The following TMEM45A variants were observed in gnomAD, a reference collection of about 807,000 sequenced individuals.
TMEM45A encodes DNA polymerase-transactivated protein 4.
In TMEM45A, 25 loss-of-function variants were observed where a neutral mutation model predicts 32.0. The ratio of observed to expected loss-of-function variants is 0.78; its 90% CI spans 0.57 to 1.09. TMEM45A has a LOEUF of 1.09. TMEM45A is among the 50% of genes least tolerant of loss of function. TMEM45A has a pLI of 0.00. For synonymous variants in TMEM45A, 122 were observed against 114.8 expected (o/e 1.06, Z -0.40); for missense variants, 302 against 325.0 (o/e 0.93, Z 0.54).
intron 1 of TMEM45A, among the ~76,000 whole-genome samples, chr3:100,500,851 G>A (rs1707999867): frequency 6.6e-6 from 1 of 152,224 alleles, no homozygotes; most frequent in Non-Finnish European, 1.5e-5. Context: ...TGGGTGGTAT[G>A]CCTGCACCTT....
intron 4 of TMEM45A, among the ~76,000 whole-genome samples, chr3:100,567,606 T>C (rs1305878584): frequency 6.6e-6 from 1 of 151,294 alleles, no homozygotes; most frequent in East Asian, 1.9e-4. Flanking sequence ...TATTGCCAGC[T>C]CAACAGTATT....
chr3:100,576,325 T>A (rs1264814358), intron 5 of TMEM45A, among the ~76,000 whole-genome samples: 1 of 152,024 alleles, frequency 6.6e-6, no homozygotes, highest in Non-Finnish European at 1.5e-5. Context: ...GTGGTGGGCG[T>A]CTGTAATTCC....
chr3:100,576,636 A>C (rs1211939217), intron 5 of TMEM45A, among the ~76,000 whole-genome samples: 4 of 152,134 alleles, frequency 2.6e-5, no homozygotes, highest in African/African-American at 9.7e-5. Context: ...AAAAATAGAA[A>C]AGAAAAGAAA....
chr3:100,539,929 A>G (rs987997678), intron 1 of TMEM45A, among the ~76,000 whole-genome samples: 91 of 152,312 alleles, frequency 6.0e-4, no homozygotes, highest in African/African-American at 2.2e-3. Flanking sequence ...GAATCCAGAC[A>G]TAGACCTTAC....
intron 1 of TMEM45A, among the ~76,000 whole-genome samples, chr3:100,521,332 G>A (rs992785204): frequency 1.3e-5 from 2 of 151,912 alleles, no homozygotes; most frequent in African/African-American, 4.8e-5. Context: ...TTGGCTCACC[G>A]CAACCTCTGC....
rs555045555 is a variant in TMEM45A, at chr3:100,550,021, A to G, written c.-3-5188A>G. On this transcript the variant is annotated intron_variant, in intron 1 of 5. Coordinates refer to ENST00000323523, the MANE Select transcript of TMEM45A (RefSeq NM_018004.3). ...CTTTGCTATTGTGAATAATGCCACA[A>G]TAAACACACTCTGGGGACTGTGGTG... is the stretch of plus-strand genomic sequence containing the variant. Among the ~76,000 whole-genome samples, 5 of 129,016 alleles carry G rather than the reference A, an allele frequency of 3.9e-5. No individual in the cohort carries two copies. In the South Asian group the frequency reaches 1.2e-3, roughly 32 times the overall value. 84.6% of individuals were successfully genotyped at this position (129,016 alleles called of 152,430 possible).
chr3:100,509,372 T>A (rs1559634879), intron 1 of TMEM45A, among the ~76,000 whole-genome samples: 2 of 152,114 alleles, frequency 1.3e-5, no homozygotes, highest in Admixed American at 1.3e-4. Context: ...GAAAACAATA[T>A]GGGGGTTTCT....
intron 1 of TMEM45A, among the ~76,000 whole-genome samples, chr3:100,493,990 G>A (rs138815022): frequency 0.012 from 1,854 of 152,184 alleles, 25 homozygotes; most frequent in African/African-American, 0.042. Flanking sequence ...CCTTGGCCTC[G>A]CAAAGTGCTG....
chr3:100,561,734 G>A (rs1393016722), intron 4 of TMEM45A, among the ~76,000 whole-genome samples: 1 of 152,040 alleles, frequency 6.6e-6, no homozygotes. Context: ...CATCCTCACC[G>A]CCCAGGTGCA....
At chr3:100,499,629 C>G (rs1247915140) in intron 1 of TMEM45A, among the ~76,000 whole-genome samples, 1 of 152,194 alleles carries the variant, frequency 6.6e-6, no homozygotes, top group Non-Finnish European at 1.5e-5. Flanking sequence ...TTAATCCCAG[C>G]ACTTTGGGAG....
At chr3:100,509,021 A>C (rs576791118) in intron 1 of TMEM45A, among the ~76,000 whole-genome samples, 1 of 152,320 alleles carries the variant, frequency 6.6e-6, no homozygotes, top group South Asian at 2.1e-4. Flanking sequence ...AACAGAATGA[A>C]GAGACAAACT....
intron 1 of TMEM45A, among the ~76,000 whole-genome samples, chr3:100,548,570 A>T (rs1171352725): frequency 1.3e-5 from 2 of 152,030 alleles, no homozygotes. Flanking sequence ...CTTTAGAACG[A>T]TCTCCTCCAT....
At chr3:100,569,258 C>T (rs999265397) in intron 5 of TMEM45A, among the ~76,000 whole-genome samples, 1 of 152,220 alleles carries the variant, frequency 6.6e-6, no homozygotes. Flanking sequence ...TTCCTCTTCT[C>T]TCTTCTGAAT....
chr3:100,536,987 T>C (rs1325642671), intron 1 of TMEM45A, among the ~76,000 whole-genome samples: 1 of 152,218 alleles, frequency 6.6e-6, no homozygotes, highest in East Asian at 1.9e-4. Context: ...AATGGCACGA[T>C]CTCGGCTCAC....
intron 1 of TMEM45A, among the ~76,000 whole-genome samples, chr3:100,521,399 A>G (rs1705434613): frequency 6.6e-6 from 1 of 151,660 alleles, no homozygotes; most frequent in Admixed American, 6.6e-5. Flanking sequence ...GATTACAGGC[A>G]TGCACCACCA....
chr3:100,560,829 A>G (rs1011035526), intron 4 of TMEM45A, among the ~76,000 whole-genome samples: 2 of 152,244 alleles, frequency 1.3e-5, no homozygotes, highest in Admixed American at 1.3e-4. Flanking sequence ...ATAATGACTA[A>G]TTAATGTCTA....
rs1283427046 is a variant in TMEM45A, at chr3:100,550,154, C to T, written c.-3-5055C>T. Among the ~76,000 whole-genome samples, 37 of 148,716 alleles carry T rather than the reference C, an allele frequency of 2.5e-4. 1 individual carries two copies. Among genetic ancestry groups the T allele is most frequent in the African/African-American group, 8.2e-4 (33 of 40,436 alleles). On this transcript the variant is annotated intron_variant, in intron 1 of 5. Transcript: ENST00000323523. ...GGCACATGTATACATATGTAACTAA[C>T]CTGCACAATGTGCACATGTACCCTA...
intron 1 of TMEM45A, among the ~76,000 whole-genome samples, chr3:100,497,302 T>C (rs1323799386): frequency 1.3e-5 from 2 of 152,216 alleles, no homozygotes; most frequent in South Asian, 4.1e-4. Flanking sequence ...GGGGTACTCA[T>C]ATGCATTACA....
intron 5 of TMEM45A, among the ~76,000 whole-genome samples, chr3:100,570,253 C>T (rs536969194): frequency 7.9e-5 from 12 of 152,312 alleles, no homozygotes; most frequent in African/African-American, 2.9e-4. Context: ...TACTGCTAGG[C>T]CCAGTGAGGT....
Sources: allele counts gnomAD v4.1 joint callset (sites outside exome capture counted in the v4.1 genomes callset), GRCh38; gene constraint gnomAD v4.1.1; transcripts MANE v1.5; gene names NCBI Gene and HGNC (gene_info 2026-07-23, HGNC 2026-07-21).